Variants in PBX1 observed in about 807,000 individuals in gnomAD.
The protein encoded by PBX1 is PBX homeobox 1.
Under a neutral mutation model 53.4 loss-of-function variants are expected in PBX1, and 6 were observed. The observed-to-expected ratio is 0.11, with a 90% CI of 0.06 to 0.22. The LOEUF (loss-of-function observed/expected upper bound fraction) is 0.22. Among genes scored for constraint, PBX1 ranks in the 10% least tolerant of loss-of-function variants. The probability of loss-of-function intolerance (pLI) is 1.00; values close to 1 mark genes in which losing one functional copy is unlikely to be tolerated. For missense variants in PBX1, 251 were observed against 551.4 expected (o/e 0.46, Z 5.46); for synonymous variants, 204 against 212.3 (o/e 0.96, Z 0.34).
At chr1:164,765,060 C>A (rs543625352) in intron 2 of PBX1, among the ~76,000 whole-genome samples, 1 of 152,262 alleles carries the variant, frequency 6.6e-6, no homozygotes, top group Non-Finnish European at 1.5e-5. Context: ...CCACCCTCAC[C>A]TTTCCAGCTT....
intron 2 of PBX1, among the ~76,000 whole-genome samples, chr1:164,772,717 T>A (rs1176723691): frequency 6.6e-6 from 1 of 152,162 alleles, no homozygotes; most frequent in Admixed American, 6.5e-5. Flanking sequence ...GGCAGAGATA[T>A]CAGAATGAGG....
chr1:164,747,768 A>G (rs1557982504), intron 2 of PBX1, among the ~76,000 whole-genome samples: 1 of 152,192 alleles, frequency 6.6e-6, no homozygotes, highest in Non-Finnish European at 1.5e-5. Flanking sequence ...CTGAGATACT[A>G]TGATACCAAG....
At chr1:164,676,673 C>T (rs1661449392) in intron 2 of PBX1, among the ~76,000 whole-genome samples, 1 of 152,190 alleles carries the variant, frequency 6.6e-6, no homozygotes, top group African/African-American at 2.4e-5. Flanking sequence ...AAGCCTGCAG[C>T]CCCCTAACTT....
chr1:164,825,845 G>T (rs755815130), intron 8 of PBX1, among the ~76,000 whole-genome samples: 7 of 152,230 alleles, frequency 4.6e-5, no homozygotes, highest in Middle Eastern at 3.4e-3. Flanking sequence ...ATATATACCT[G>T]TTTGTAGGAT....
chr1:164,712,294 C>T (rs1322752535), intron 2 of PBX1, among the ~76,000 whole-genome samples: 2 of 152,052 alleles, frequency 1.3e-5, no homozygotes, highest in African/African-American at 4.8e-5. Context: ...GCTATCTTCT[C>T]TGTGTGGCCC....
chr1:164,882,826 T>A (rs1672692337), intron 2 of PBX1, among the ~76,000 whole-genome samples: 1 of 152,058 alleles, frequency 6.6e-6, no homozygotes, highest in Admixed American at 6.5e-5. Context: ...TAATTATAAT[T>A]GGGAAAATAT....
downstream of PBX1, among the ~76,000 whole-genome samples, chr1:164,853,956 C>T (rs1339309783): frequency 3.3e-5 from 5 of 149,396 alleles, no homozygotes; most frequent in African/African-American, 7.4e-5. Flanking sequence ...TTTTTTGAGA[C>T]GGTATCTCGT....
At chr1:164,585,603 T>G (rs1378467026) in intron 2 of PBX1, among the ~76,000 whole-genome samples, 1 of 152,244 alleles carries the variant, frequency 6.6e-6, no homozygotes, top group African/African-American at 2.4e-5. Flanking sequence ...ACATTTCTTT[T>G]GGCTTGGTTT....
rs1485363876 is a variant in PBX1, at chr1:164,848,007, C to A, written c.*1331C>A. 9.5e-7 allele frequency: 1 copy of A among 1,050,026 alleles called. No homozygotes were observed. Among genetic ancestry groups the A allele is most frequent in the Non-Finnish European group, 1.1e-6 (1 of 869,766 alleles). The allele number at this position is 1,050,026 out of a possible 1,614,324, so 65.0% of individuals were successfully genotyped here. ...ATATTAGGCACACTGTATTAATTTT[C>A]CAAAATGTTATACCACACTATGTTC... On this transcript the variant is annotated 3_prime_UTR_variant, in exon 9 of 9. Coordinates refer to ENST00000420696, the MANE Select transcript of PBX1 (RefSeq NM_002585.4).
At chr1:164,655,100 GTT>G (rs35954587) in intron 2 of PBX1, among the ~76,000 whole-genome samples, 35,189 of 138,758 alleles carry the variant, frequency 0.25, 4,266 homozygotes, top group African/African-American at 0.31. Flanking sequence ...TCTGATGTGT[GTT>G]TTTTTTTTTT....
intron 2 of PBX1, among the ~76,000 whole-genome samples, chr1:164,860,156 TG>T (rs1444910345): frequency 6.6e-6 from 1 of 152,156 alleles, no homozygotes; most frequent in Non-Finnish European, 1.5e-5. Context: ...CCAGAAGCAG[TG>T]GTGATGTTGA....
At chr1:164,694,855 C>G (rs1160887131) in intron 2 of PBX1, among the ~76,000 whole-genome samples, 1 of 152,204 alleles carries the variant, frequency 6.6e-6, no homozygotes, top group Non-Finnish European at 1.5e-5. Context: ...CTGCTGTCAT[C>G]CTAAGTCAGG....
chr1:164,623,689 G>A (rs1553218675), intron 2 of PBX1, among the ~76,000 whole-genome samples: 1 of 152,134 alleles, frequency 6.6e-6, no homozygotes, highest in Non-Finnish European at 1.5e-5. Flanking sequence ...GCATCTTGGT[G>A]CTTGGATATT....
At chr1:164,682,146 G>A (rs537597618) in intron 2 of PBX1, 1 of 152,282 alleles carries the variant, frequency 6.6e-6, no homozygotes, top group East Asian at 1.9e-4. Flanking sequence ...TAAAACAGAT[G>A]TGATCTACCA....
chr1:164,577,620 GTGCT>G (rs1654343141), intron 2 of PBX1, among the ~76,000 whole-genome samples: 1 of 152,174 alleles, frequency 6.6e-6, no homozygotes, highest in Admixed American at 6.5e-5. Flanking sequence ...GTGTATTCTA[GTGCT>G]TGCTTATTAT....
At chr1:164,597,339 A>G (rs999250460) in intron 2 of PBX1, among the ~76,000 whole-genome samples, 1 of 152,116 alleles carries the variant, frequency 6.6e-6, no homozygotes, top group Non-Finnish European at 1.5e-5. Context: ...TGTCCCCTAG[A>G]AGGGTGGTCA....
chr1:164,833,209 C>CAAAAACA (rs1553252273), intron 8 of PBX1, among the ~76,000 whole-genome samples: 139 of 149,248 alleles, frequency 9.3e-4, no homozygotes, highest in Middle Eastern at 3.4e-3. Context: ...AAAACAAAAA[C>CAAAAACA]AAAAAAAAAC....
At chr1:164,801,890 A>G (rs1478624445) in intron 4 of PBX1, among the ~76,000 whole-genome samples, 1 of 152,222 alleles carries the variant, frequency 6.6e-6, no homozygotes, top group Non-Finnish European at 1.5e-5. Context: ...TCAAAAACAA[A>G]TGTCTGCCAG....
chr1:164,657,637 C>T (rs1272853801), intron 2 of PBX1, among the ~76,000 whole-genome samples: 1 of 152,122 alleles, frequency 6.6e-6, no homozygotes, highest in East Asian at 1.9e-4. Context: ...GTGCATTAAC[C>T]TTCTTGTTTA....
Sources: allele counts gnomAD v4.1 joint callset (sites outside exome capture counted in the v4.1 genomes callset), GRCh38; gene constraint gnomAD v4.1.1; transcripts MANE v1.5; gene names NCBI Gene and HGNC (gene_info 2026-07-23, HGNC 2026-07-21).